TTC27: variants seen among roughly 807,000 people sequenced by gnomAD.
TTC27 encodes the protein tetratricopeptide repeat domain 27.
A neutral mutation model predicts 115.9 loss-of-function variants in TTC27; 79 were observed. The observed-to-expected ratio is 0.68, with a 90% CI of 0.57 to 0.82. The LOEUF is 0.82. Ranked by LOEUF, TTC27 falls within the 40% of genes least tolerant of loss-of-function variation. The pLI is 0.00. For synonymous variants in TTC27, 401 were observed against 356.0 expected (o/e 1.13, Z -1.42); for missense variants, 1,054 against 993.1 (o/e 1.06, Z -0.82).
intron 16 of TTC27, among the ~76,000 whole-genome samples, chr2:32,789,324 T>C (rs1001296411): frequency 1.2e-4 from 18 of 152,208 alleles, no homozygotes; most frequent in Admixed American, 5.2e-4. Flanking sequence ...TAAATTTCTC[T>C]TTTCTTACCA....
intron 10 of TTC27, among the ~76,000 whole-genome samples, chr2:32,729,708 C>A (rs574666572): frequency 6.6e-6 from 1 of 151,694 alleles, no homozygotes; most frequent in African/African-American, 2.4e-5. Context: ...TCTCTCTCTG[C>A]TTGTTACCTT....
At chr2:32,726,745 T>A (rs11124291) in intron 10 of TTC27, among the ~76,000 whole-genome samples, 26,632 of 152,242 alleles carry the variant, frequency 0.17, 2,842 homozygotes, top group South Asian at 0.36. Context: ...GGTACCAATT[T>A]ACTGTGTTAG....
chr2:32,754,561 G>C (rs1247853154), intron 12 of TTC27, among the ~76,000 whole-genome samples: 1 of 149,094 alleles, frequency 6.7e-6, no homozygotes, highest in Non-Finnish European at 1.5e-5. Context: ...CACAGACACA[G>C]CAACCATCCG....
intron 11 of TTC27, among the ~76,000 whole-genome samples, chr2:32,734,507 A>G (rs1160089648): frequency 6.6e-6 from 1 of 152,122 alleles, no homozygotes; most frequent in Non-Finnish European, 1.5e-5. Flanking sequence ...ACACATGACT[A>G]CTCTCCTCTT....
chr2:32,780,424 G>A (rs1670135634), intron 14 of TTC27, among the ~76,000 whole-genome samples: 1 of 151,930 alleles, frequency 6.6e-6, no homozygotes, highest in South Asian at 2.1e-4. Context: ...ATTATAAATG[G>A]AATTATTTTC....
rs555625687 is a variant in TTC27 at position 32,643,810 on chromosome 2, G to A, written c.537+3400G>A. Among the ~76,000 whole-genome samples, 133 of 151,996 alleles carry A rather than the reference G, an allele frequency of 8.8e-4. 1 individual carries two copies. The highest frequency in any genetic ancestry group is 1.4e-3 in the Non-Finnish European group (98 of 67,960). On this transcript the variant is annotated intron_variant, in intron 4 of 19. Coordinates refer to ENST00000317907, the MANE Select transcript of TTC27 (RefSeq NM_017735.5). ...AGCACTTTGGGAGGCCAAGGCTGGC[G>A]GATCACCTGAGGTCAGGAGTTCGAC...
chr2:32,651,186 T>C (rs184893354), intron 5 of TTC27, among the ~76,000 whole-genome samples: 160 of 152,264 alleles, frequency 1.1e-3, no homozygotes, highest in Admixed American at 2.0e-3. Context: ...AATATGTATG[T>C]GTGTGTCCAA....
At chr2:32,630,809 T>G (rs1394842452) in intron 2 of TTC27, 109 bp downstream of exon 2, 1 of 1,012,608 alleles carries the variant, frequency 9.9e-7, no homozygotes, top group Admixed American at 2.9e-5. Context: ...GCCTTATATT[T>G]TACTCAAGAC....
intron 9 of TTC27, among the ~76,000 whole-genome samples, chr2:32,687,255 A>C (rs1266372994): frequency 6.6e-6 from 1 of 152,196 alleles, no homozygotes; most frequent in Non-Finnish European, 1.5e-5. Context: ...TTAATTTTCC[A>C]CTATTGTAGG....
chr2:32,702,915 A>T lies in TTC27; in HGVS notation c.1228A>T (p.Thr410Ser). The change falls in exon 10 of 20, where the codon ACA (threonine) becomes TCA (serine). Residue 410 changes from threonine (T) to serine (S), a missense_variant. By Grantham distance (58) the Thr-to-Ser change is moderately conservative (BLOSUM62 1). Transcript: ENST00000317907. ...TRRVERAMRQ[T>S]QALADQFEDK... ...CCGAGTGGAACGGGCAATGAGGCAG[A>T]CACAGGTAAGAATTAATGTGGCAAT... The T allele has an allele frequency of 6.2e-7, 1 of 1,612,962 alleles. No individual in the cohort carries two copies.
chr2:32,767,352 GC>G (rs1254718065), intron 13 of TTC27, among the ~76,000 whole-genome samples: 1 of 151,190 alleles, frequency 6.6e-6, no homozygotes, highest in Non-Finnish European at 1.5e-5. Flanking sequence ...AATAGAGACA[GC>G]ATATTTGATA....
intron 7 of TTC27, among the ~76,000 whole-genome samples, chr2:32,668,262 T>G (rs1340335416): frequency 6.6e-6 from 1 of 151,164 alleles, no homozygotes; most frequent in Non-Finnish European, 1.5e-5. Context: ...CCCAGCTACT[T>G]GGGAGGTTGA....
intron 10 of TTC27, among the ~76,000 whole-genome samples, chr2:32,728,529 A>C (rs538087527): frequency 2.0e-5 from 3 of 152,276 alleles, no homozygotes; most frequent in African/African-American, 7.2e-5. Context: ...TTTTGGATTT[A>C]TGTGTAAATA....
At chr2:32,661,744 T>C (rs1161819386) in intron 5 of TTC27, among the ~76,000 whole-genome samples, 1 of 152,190 alleles carries the variant, frequency 6.6e-6, no homozygotes, top group African/African-American at 2.4e-5. Context: ...CTCTTCCTAT[T>C]TGAATACCCT....
intron 9 of TTC27, among the ~76,000 whole-genome samples, chr2:32,696,898 C>A (rs1667005327): frequency 6.6e-6 from 1 of 152,066 alleles, no homozygotes; most frequent in African/African-American, 2.4e-5. Flanking sequence ...GTTTTCCACT[C>A]AGAGAATTAG....
chr2:32,679,718 C>T (rs1572508522), intron 9 of TTC27, among the ~76,000 whole-genome samples: 1 of 152,092 alleles, frequency 6.6e-6, no homozygotes, highest in South Asian at 2.1e-4. Context: ...TGTGGTTGGG[C>T]GAGGTGGCTC....
At chr2:32,665,090 GC>G (rs1665721612) in intron 6 of TTC27, among the ~76,000 whole-genome samples, 2 of 151,618 alleles carry the variant, frequency 1.3e-5, no homozygotes, top group African/African-American at 4.8e-5. Context: ...CAAGTGATCC[GC>G]CCGCCTTGGC....
intron 5 of TTC27, among the ~76,000 whole-genome samples, chr2:32,650,619 C>G (rs1665082581): frequency 6.6e-6 from 1 of 151,818 alleles, no homozygotes; most frequent in African/African-American, 2.4e-5. Flanking sequence ...CCTTAACTAA[C>G]TTGAGCTGGA....
At chr2:32,654,870 A>G (rs1559189574) in intron 5 of TTC27, among the ~76,000 whole-genome samples, 1 of 150,276 alleles carries the variant, frequency 6.7e-6, no homozygotes, top group Non-Finnish European at 1.5e-5. Context: ...TAATTTTTAT[A>G]TTTTTAGTAG....
Sources: allele counts gnomAD v4.1 joint callset (sites outside exome capture counted in the v4.1 genomes callset), GRCh38; gene constraint gnomAD v4.1.1; transcripts MANE v1.5; gene names NCBI Gene and HGNC (gene_info 2026-07-23, HGNC 2026-07-21).